Variants in CLDND1 observed in about 807,000 individuals in gnomAD.
CLDND1 encodes claudin domain-containing protein 1.
A neutral mutation model predicts 26.3 loss-of-function variants in CLDND1; 13 were observed. The ratio of observed to expected loss-of-function variants is 0.49; its 90% CI spans 0.32 to 0.78. The LOEUF (loss-of-function observed/expected upper bound fraction) is 0.78, where lower values mean the gene tolerates loss of function less well. CLDND1 is among the 30% of genes least tolerant of loss of function. The probability of loss-of-function intolerance (pLI) is 0.03; values close to 1 mark genes in which losing one functional copy is unlikely to be tolerated. For missense variants in CLDND1, 289 were observed against 312.8 expected, an observed-to-expected ratio of 0.92 and a Z score of 0.57; for synonymous variants, 107 against 107.0, an observed-to-expected ratio of 1.00 and a Z score of 0.00.
chr3:98,521,483 G>A lies in CLDND1; in HGVS notation c.-18-41C>T, dbSNP rs746308529. The A allele has an allele frequency of 2.5e-5, 40 of 1,570,392 alleles. No individual in the cohort carries two copies. The Middle Eastern group carries it at 1.3e-3, about 53-fold the overall frequency. ...AGAAAGAAGATAAGTTAGAGTTTACGGACAAATAAGAAAGATTATTTTGAA... is the reference window on the plus strand; with the variant it reads ...AGAAAGAAGATAAGTTAGAGTTTACAGACAAATAAGAAAGATTATTTTGAA... On this transcript the variant is annotated intron_variant, in intron 1 of 4. Coordinates refer to ENST00000341181, the MANE Select transcript of CLDND1 (RefSeq NM_001040181.2).
At position 98,516,282 on chromosome 3, in the gene CLDND1, C is replaced by CTAT; in HGVS notation, c.*376_*377insATA. The CTAT allele has an allele frequency of 9.7e-7, 1 of 1,031,144 alleles. No individual in the cohort carries two copies. The highest frequency in any genetic ancestry group is 1.2e-6 in the Non-Finnish European group (1 of 858,362). 63.9% of individuals were successfully genotyped at this position (1,031,144 alleles called of 1,614,324 possible). A position where few individuals can be genotyped will look rare whatever the true frequency, so the allele number is the denominator to read the frequency against. On this transcript the variant is annotated 3_prime_UTR_variant, in exon 5 of 5. Transcript: ENST00000341181. ...GACGATGAGAGGTTTCCCAAAGAAA[C>CTAT]TAATATAGAGTTTTTAGTTGAACAG... is the stretch of plus-strand genomic sequence containing the variant.
Position 98,521,144 on chromosome 3 carries a change from G to A in CLDND1, c.281C>T (p.Pro94Leu). Reference protein sequence around the residue: ...IPKNMHWYSPPERTESFDVVT... With the variant: ...IPKNMHWYSPLERTESFDVVT... Reference sequence around the variant, plus strand: ...AATAAGAGAAATACCTGTCCTTTCTGGTGGGCTATACCAATGCATGTTTTT... The same window carrying A: ...AATAAGAGAAATACCTGTCCTTTCTAGTGGGCTATACCAATGCATGTTTTT... The change falls in exon 2 of 5, where the codon CCA becomes CTA. Residue 94 changes from proline to leucine, a missense_variant. Transcript: ENST00000341181. 6.2e-7 allele frequency: 1 copy of A among 1,609,282 alleles called. No individual in the cohort carries two copies. The highest frequency in any genetic ancestry group is 8.5e-7 in the Non-Finnish European group (1 of 1,175,988).
chr3:98,521,895 C>T (rs765764879), intron 1 of CLDND1: 12 of 569,182 alleles, frequency 2.1e-5, no homozygotes, highest in Non-Finnish European at 3.8e-5. Flanking sequence ...ATTGGCTTCT[C>T]CCAGTTTCCT....
rs1226289016 is a variant in CLDND1, at chr3:98,516,847, C to T, written c.574G>A (p.Val192Ile). The change falls in exon 5 of 5, where the codon GTT (valine) becomes ATT (isoleucine). Residue 192 changes from valine to isoleucine, a missense_variant. By Grantham distance (29) the Val-to-Ile change is conservative. Coordinates refer to ENST00000341181, the MANE Select transcript of CLDND1 (RefSeq NM_001040181.2). The part of the protein sequence containing the change: ...LCTLGSVSCY[V>I]AGIELLHQKL... ...TGGTGGAGTAGTTCAATTCCAGCAA[C>T]ATAACAACTTACTGAGCCCAGTGTA... is the stretch of plus-strand genomic sequence containing the variant. 4.3e-6 allele frequency: 7 copies of T among 1,614,118 alleles called. No homozygotes were observed. The highest frequency in any genetic ancestry group is 2.2e-5 in the East Asian group (1 of 44,886).
chr3:98,522,707 G>C, intron 1 of CLDND1, 142 bp downstream of exon 1: 1 of 1,525,836 alleles, frequency 6.6e-7, no homozygotes, highest in Non-Finnish European at 8.8e-7. Flanking sequence ...CCCCGCCCTA[G>C]AGGGCTCGGC....
At chr3:98,522,636 A>C in intron 1 of CLDND1, 1 of 1,401,520 alleles carries the variant, frequency 7.1e-7, no homozygotes, top group Non-Finnish European at 9.2e-7. Flanking sequence ...GGAGAAGGCC[A>C]GGGCTGGGGC....
intron 1 of CLDND1, 68 bp downstream of exon 1, chr3:98,522,781 T>C (rs749105841): frequency 3.2e-4 from 521 of 1,612,674 alleles, no homozygotes; most frequent in Admixed American, 2.2e-3. Flanking sequence ...GGGGCCCCTC[T>C]TCAAACCGCC....
chr3:98,516,337 C>T lies in CLDND1; in HGVS notation c.*322G>A. On this transcript the variant is annotated 3_prime_UTR_variant, in exon 5 of 5. Coordinates refer to ENST00000341181, the MANE Select transcript of CLDND1 (RefSeq NM_001040181.2). ...AGTTACTTTAGTTTTACTGAAAAGT[C>T]TAACAGACATTAGCACAACTTGTTT... The T allele has an allele frequency of 2.7e-6, 3 of 1,093,950 alleles. No homozygotes were observed. In the South Asian group the frequency reaches 8.6e-5, roughly 31 times the overall value. 67.8% of individuals were successfully genotyped at this position (1,093,950 alleles called of 1,614,324 possible). A position where few individuals can be genotyped will look rare whatever the true frequency, so the allele number is the denominator to read the frequency against.
rs1706146453 is a variant in CLDND1 at position 98,516,546 on chromosome 3, T to C, written c.*113A>G. 1.4e-6 allele frequency: 2 copies of C among 1,428,274 alleles called. No homozygotes were observed. The highest frequency in any genetic ancestry group is 2.9e-5 in the African/African-American group (2 of 69,236). 88.5% of individuals were successfully genotyped at this position (1,428,274 alleles called of 1,614,324 possible). ...TGTGTATAAATAAAATAGATTTTCA[T>C]AATAAAATGGTATATCCACAAATAA... On this transcript the variant is annotated 3_prime_UTR_variant, in exon 5 of 5. Transcript: ENST00000341181.
chr3:98,519,971 C>T (rs780937248), intron 2 of CLDND1, among the ~76,000 whole-genome samples: 5 of 152,182 alleles, frequency 3.3e-5, no homozygotes, highest in Non-Finnish European at 7.3e-5. Context: ...ATTCCTTTTC[C>T]CACATATTTC....
At chr3:98,517,442 T>C (rs1036533886) in intron 3 of CLDND1, 1 of 425,082 alleles carries the variant, frequency 2.4e-6, no homozygotes, top group Admixed American at 4.2e-5. Context: ...GTCTACACAT[T>C]TTCTGTATTA....
intron 2 of CLDND1, among the ~76,000 whole-genome samples, chr3:98,519,766 G>C (rs1706321908): frequency 6.6e-6 from 1 of 152,172 alleles, no homozygotes; most frequent in Non-Finnish European, 1.5e-5. Flanking sequence ...ACTGGTCCTT[G>C]AATATTTCAG....
At chr3:98,522,752 C>T in intron 1 of CLDND1, 97 bp downstream of exon 1, 10 of 1,605,332 alleles carry the variant, frequency 6.2e-6, no homozygotes, top group Non-Finnish European at 7.7e-6. Context: ...ACCCGCCCAG[C>T]CCGACCACGC....
chr3:98,521,756 A>C (rs181784985), intron 1 of CLDND1: 287 of 1,465,322 alleles, frequency 2.0e-4, no homozygotes, highest in Admixed American at 6.6e-4. Flanking sequence ...CAAACAATAG[A>C]CATGCCCATG....
At chr3:98,522,154 C>A (rs1706446992) in intron 1 of CLDND1, 1 of 161,278 alleles carries the variant, frequency 6.2e-6, no homozygotes, top group Non-Finnish European at 1.4e-5. Context: ...TGAACCTCCT[C>A]AACAGAAATC....
At chr3:98,521,002 A>G in intron 2 of CLDND1, 131 bp downstream of exon 2, 1 of 752,616 alleles carries the variant, frequency 1.3e-6, no homozygotes, top group Non-Finnish European at 2.2e-6. Context: ...TAGAAAGAGA[A>G]GATACACGAT....
Position 98,521,752 on chromosome 3 carries a change from A to C in CLDND1, c.-18-310T>G, listed in dbSNP as rs1352959478. On this transcript the variant is annotated intron_variant, in intron 1 of 4. Transcript: ENST00000341181. ...GACATACACATTACAGATACAAACA[A>C]TAGACATGCCCATGGTCAGCAGTGT... 1.1e-5 allele frequency: 16 copies of C among 1,483,218 alleles called. No homozygotes were observed. The East Asian group carries it at 3.2e-4, about 29-fold the overall frequency. 91.9% of individuals were successfully genotyped at this position (1,483,218 alleles called of 1,614,324 possible).
At position 98,521,385 on chromosome 3, in the gene CLDND1, C is replaced by T. The variant is rs759915623; in HGVS notation, c.40G>A (p.Val14Met). ...TAGATGGTGGAAATGAGGCTAAGCA[C>T]ACAAGCAATTACAAATGCTGTAGCA... is the stretch of plus-strand genomic sequence containing the variant. ...RFATAFVIAC[V>M]LSLISTIYMA... The change falls in exon 2 of 5, where the codon GTG (valine) becomes ATG (methionine). Residue 14 changes from valine (V) to methionine (M), a missense_variant. Coordinates refer to ENST00000341181, the MANE Select transcript of CLDND1 (RefSeq NM_001040181.2). The T allele has an allele frequency of 2.5e-6, 4 of 1,614,048 alleles. No individual in the cohort carries two copies. In the Admixed American group the frequency reaches 5.0e-5, roughly 20 times the overall value.
At chr3:98,522,672 C>A (rs890293503) in intron 1 of CLDND1, 177 bp downstream of exon 1, 1 of 1,439,636 alleles carries the variant, frequency 6.9e-7, no homozygotes. Context: ...GGCCCCGGGC[C>A]AGGGTCCCCC....
Sources: gnomAD v4.1 joint callset for allele counts (sites outside exome capture counted in the v4.1 genomes callset) on GRCh38, gnomAD v4.1.1 for gene constraint, MANE v1.5 for transcripts, NCBI Gene and HGNC (gene_info 2026-07-23, HGNC 2026-07-21) for gene names.